Variants in SLIT3 observed in about 807,000 individuals in gnomAD.
SLIT3 encodes slit homolog 3 protein.
SLIT3 carries 68 observed loss-of-function variants against 184.0 expected under a neutral mutation model. That is an observed-to-expected ratio of 0.37 (90% CI 0.30 to 0.45). The LOEUF (loss-of-function observed/expected upper bound fraction) is 0.45. Ranked by LOEUF, SLIT3 falls within the 20% of genes least tolerant of loss-of-function variation. SLIT3 has a pLI of 1.00. For missense variants in SLIT3, 1,707 were observed against 2,026.0 expected (o/e 0.84, Z 3.02); for synonymous variants, 831 against 828.6 (o/e 1.00, Z -0.05).
intron 4 of SLIT3, among the ~76,000 whole-genome samples, chr5:169,004,736 G>A (rs2113434117): frequency 6.6e-6 from 1 of 152,200 alleles, no homozygotes; most frequent in African/African-American, 2.4e-5. Flanking sequence ...TATAGATGAG[G>A]TCATGAAGAT....
chr5:168,823,187 A>G, intron 7 of SLIT3, 73 bp downstream of exon 7: 1 of 1,138,546 alleles, frequency 8.8e-7, no homozygotes, highest in Non-Finnish European at 1.3e-6. Flanking sequence ...AGGTTTGACA[A>G]GCAGCGTAGA....
At chr5:169,278,058 G>A (rs961405739) in intron 1 of SLIT3, among the ~76,000 whole-genome samples, 1 of 152,194 alleles carries the variant, frequency 6.6e-6, no homozygotes, top group Non-Finnish European at 1.5e-5. Context: ...TTTGTTGAAT[G>A]AATAAATGGT....
intron 4 of SLIT3, among the ~76,000 whole-genome samples, chr5:169,173,679 G>A (rs1284420724): frequency 1.3e-5 from 2 of 152,196 alleles, no homozygotes; most frequent in Non-Finnish European, 2.9e-5. Flanking sequence ...GAGAATAGCT[G>A]CAGATGTATT....
intron 10 of SLIT3, among the ~76,000 whole-genome samples, chr5:168,792,697 C>T (rs1364800108): frequency 6.6e-6 from 1 of 152,116 alleles, no homozygotes; most frequent in Admixed American, 6.5e-5. Flanking sequence ...AATAGATAGC[C>T]CAGGTGTCAG....
intron 1 of SLIT3, among the ~76,000 whole-genome samples, chr5:169,266,485 T>C (rs1452304061): frequency 6.6e-6 from 1 of 152,044 alleles, no homozygotes; most frequent in Non-Finnish European, 1.5e-5. Context: ...AGCATGACAC[T>C]CTCCTTCCCT....
chr5:169,300,803 G>A lies in SLIT3; in HGVS notation c.-94C>T. ...GCGCGGGGAGCGCGGGCGGCCTGGG[G>A]AGCGGGCGGCGGAGTTAGCGCGGAG... On this transcript the variant is annotated 5_prime_UTR_variant, in exon 1 of 36. Transcript: ENST00000519560. This position sits in a 1 kb window ranked among gnomAD's most constrained non-coding sequence, Gnocchi z 4.1. 2.5e-6 allele frequency: 3 copies of A among 1,209,178 alleles called. No individual in the cohort carries two copies. The highest frequency in any genetic ancestry group is 3.1e-6 in the Non-Finnish European group (3 of 969,208). 74.9% of individuals were successfully genotyped at this position (1,209,178 alleles called of 1,614,324 possible). A position where few individuals can be genotyped will look rare whatever the true frequency, so the allele number is the denominator to read the frequency against.
intron 4 of SLIT3, among the ~76,000 whole-genome samples, chr5:169,016,373 G>A (rs1402895544): frequency 1.3e-5 from 2 of 152,132 alleles, no homozygotes; most frequent in African/African-American, 2.4e-5. Context: ...CACAGCTAAC[G>A]GGTGAAATGA....
intron 4 of SLIT3, among the ~76,000 whole-genome samples, chr5:169,150,022 G>T (rs1392865805): frequency 6.6e-6 from 1 of 152,192 alleles, no homozygotes; most frequent in Non-Finnish European, 1.5e-5. Flanking sequence ...CCATCACGTG[G>T]CCAGTGTGTG....
chr5:168,805,006 A>G (rs1431611307), intron 9 of SLIT3, among the ~76,000 whole-genome samples: 1 of 152,154 alleles, frequency 6.6e-6, no homozygotes, highest in East Asian at 1.9e-4. Flanking sequence ...CCAGATAGCC[A>G]TTTGGTTCTC....
intron 4 of SLIT3, among the ~76,000 whole-genome samples, chr5:168,939,969 T>G (rs1465072145): frequency 3.3e-5 from 5 of 152,350 alleles, no homozygotes; most frequent in African/African-American, 1.2e-4. Context: ...CAGCTGTGGT[T>G]ACCTAGGTAG....
intron 8 of SLIT3, among the ~76,000 whole-genome samples, chr5:168,808,425 T>C (rs1757050478): frequency 6.6e-6 from 1 of 152,174 alleles, no homozygotes; most frequent in Non-Finnish European, 1.5e-5. Context: ...TGCCTCAGTT[T>C]TCCCATCTGT....
intron 5 of SLIT3, among the ~76,000 whole-genome samples, chr5:168,880,882 A>T (rs1286730757): frequency 6.6e-6 from 1 of 152,198 alleles, no homozygotes; most frequent in Non-Finnish European, 1.5e-5. Context: ...GCCAACTTTC[A>T]TGTTGATTGG....
chr5:168,671,764 G>C (rs1318253167), intron 33 of SLIT3, among the ~76,000 whole-genome samples: 1 of 152,160 alleles, frequency 6.6e-6, no homozygotes, highest in Non-Finnish European at 1.5e-5. Flanking sequence ...GAAAAAATGA[G>C]ATGATCTGGT....
At chr5:169,021,684 G>C (rs1756604009) in intron 4 of SLIT3, among the ~76,000 whole-genome samples, 1 of 152,132 alleles carries the variant, frequency 6.6e-6, no homozygotes, top group African/African-American at 2.4e-5. Flanking sequence ...CCTATGTGTT[G>C]CTGCCCCTTC....
At chr5:169,227,077 A>G (rs1322612451) in intron 3 of SLIT3, among the ~76,000 whole-genome samples, 1 of 152,194 alleles carries the variant, frequency 6.6e-6, no homozygotes, top group Non-Finnish European at 1.5e-5. Context: ...CCACAGGTCT[A>G]CAAGATAATG....
intron 4 of SLIT3, among the ~76,000 whole-genome samples, chr5:169,095,407 A>C (rs1330283284): frequency 1.3e-5 from 2 of 152,202 alleles, no homozygotes; most frequent in African/African-American, 4.8e-5. Flanking sequence ...TTGCCCAGTC[A>C]GTTTTAGGAA....
chr5:168,835,739 A>G (rs1203078868), intron 6 of SLIT3, among the ~76,000 whole-genome samples: 1 of 151,030 alleles, frequency 6.6e-6, no homozygotes, highest in Non-Finnish European at 1.5e-5. Context: ...TGAACTGGGG[A>G]GGCGGAGGTT....
intron 4 of SLIT3, among the ~76,000 whole-genome samples, chr5:169,100,051 T>C (rs1025064606): frequency 8.5e-5 from 13 of 152,090 alleles, no homozygotes; most frequent in African/African-American, 3.1e-4. Flanking sequence ...CGTACACTTA[T>C]CTCATCACCC....
chr5:169,107,374 G>A (rs147244999), intron 4 of SLIT3, among the ~76,000 whole-genome samples: 95 of 152,318 alleles, frequency 6.2e-4, no homozygotes, highest in African/African-American at 2.2e-3. Context: ...TTTCGTAAGA[G>A]CTGTGGTCTG....
Sources: allele counts gnomAD v4.1 joint callset (sites outside exome capture counted in the v4.1 genomes callset), GRCh38; gene constraint gnomAD v4.1.1; non-coding constraint Gnocchi (gnomAD v3.1); transcripts MANE v1.5; gene names NCBI Gene and HGNC (gene_info 2026-07-23, HGNC 2026-07-21).